TNFAIP8: variants seen among roughly 807,000 people sequenced by gnomAD.
TNFAIP8 encodes the protein TNF alpha induced protein 8, also known as tumor necrosis factor alpha-induced protein 8.
TNFAIP8 carries 7 observed loss-of-function variants against 13.3 expected under a neutral mutation model. That is an observed-to-expected ratio of 0.52 (90% CI 0.30 to 0.99). TNFAIP8 has a LOEUF of 0.99. TNFAIP8 is among the 50% of genes least tolerant of loss of function. TNFAIP8 has a pLI of 0.07. For synonymous variants in TNFAIP8, 94 were observed against 87.6 expected (o/e 1.07, Z -0.41); for missense variants, 258 against 236.9 (o/e 1.09, Z -0.58).
chr5:119,355,710 CCGTCTGGTG>C (rs1276452596), upstream of TNFAIP8: 17 of 267,496 alleles, frequency 6.4e-5, no homozygotes, highest in African/African-American at 3.3e-4. Context: ...TTTTTTCCGC[CCGTCTGGTG>C]CGTTTGCCGA....
intron 1 of TNFAIP8, among the ~76,000 whole-genome samples, chr5:119,286,204 G>A (rs1391701224): frequency 6.6e-6 from 1 of 152,056 alleles, no homozygotes; most frequent in African/African-American, 2.4e-5. Context: ...AACTCTTCAG[G>A]CTCCCAATGT....
At position 119,399,157 on chromosome 5, in the gene TNFAIP8, GA is replaced by G; in HGVS notation, c.*5779del. 6.6e-6 allele frequency: 1 copy of G among 152,296 alleles called. No homozygotes were observed. Among genetic ancestry groups the G allele is most frequent in the Non-Finnish European group, 1.5e-5 (1 of 68,026 alleles). The allele number at this position is 152,296 out of a possible 1,614,324, so 9.4% of individuals were successfully genotyped here. A position where few individuals can be genotyped will look rare whatever the true frequency, so the allele number is the denominator to read the frequency against. On this transcript the variant is annotated 3_prime_UTR_variant, in exon 2 of 2. Coordinates refer to ENST00000504771, the MANE Select transcript of TNFAIP8 (RefSeq NM_014350.4). ...GAGAACATGGTGAAATCCACGAGTGGAAACGTTCCATGGTATTTTCAAACGC... is the reference window on the plus strand; with the variant it reads ...GAGAACATGGTGAAATCCACGAGTGGAACGTTCCATGGTATTTTCAAACGC...
chr5:119,354,051 G>A (rs1201903689), upstream of TNFAIP8, among the ~76,000 whole-genome samples: 1 of 152,204 alleles, frequency 6.6e-6, no homozygotes, highest in Non-Finnish European at 1.5e-5. Context: ...GCAGAATGTT[G>A]ACTTGGGCAG....
At chr5:119,349,605 T>C (rs986297367) in intron 1 of TNFAIP8, among the ~76,000 whole-genome samples, 4 of 152,220 alleles carry the variant, frequency 2.6e-5, no homozygotes, top group Non-Finnish European at 4.4e-5. Context: ...TGGCAGCCCA[T>C]ATCCGATGAG....
chr5:119,282,374 G>T (rs1366694038), intron 1 of TNFAIP8, among the ~76,000 whole-genome samples: 2 of 152,200 alleles, frequency 1.3e-5, no homozygotes, highest in Non-Finnish European at 2.9e-5. Context: ...GTTGGGAACT[G>T]TCCCATCCCT....
At chr5:119,313,293 C>G (rs1749790204) in intron 1 of TNFAIP8, among the ~76,000 whole-genome samples, 1 of 152,160 alleles carries the variant, frequency 6.6e-6, no homozygotes, top group Non-Finnish European at 1.5e-5. Flanking sequence ...TTGAAATCTG[C>G]CACAAGCTCA....
At chr5:119,372,065 A>T (rs1752096134) in intron 1 of TNFAIP8, among the ~76,000 whole-genome samples, 1 of 151,516 alleles carries the variant, frequency 6.6e-6, no homozygotes, top group Admixed American at 6.6e-5. Flanking sequence ...TGAACCCGGG[A>T]GGCGGAGCTT....
intron 1 of TNFAIP8, among the ~76,000 whole-genome samples, chr5:119,364,851 T>G (rs1751778494): frequency 7.5e-6 from 1 of 132,660 alleles, no homozygotes; most frequent in South Asian, 2.6e-4. Flanking sequence ...GTTTTTTTTT[T>G]TTTTTTTTTT....
chr5:119,299,490 G>A (rs980699483), intron 1 of TNFAIP8, among the ~76,000 whole-genome samples: 21 of 152,222 alleles, frequency 1.4e-4, no homozygotes, highest in African/African-American at 4.8e-4. Context: ...AGGAGTACCC[G>A]GCCGTGTGAG....
chr5:119,392,473 C>T (rs967642930), intron 1 of TNFAIP8, among the ~76,000 whole-genome samples: 2 of 152,094 alleles, frequency 1.3e-5, no homozygotes, highest in Non-Finnish European at 2.9e-5. Context: ...TCACTGCAGC[C>T]TCCGCCTCCT....
At chr5:119,343,923 A>C (rs1750815816) in intron 1 of TNFAIP8, among the ~76,000 whole-genome samples, 1 of 152,244 alleles carries the variant, frequency 6.6e-6, no homozygotes, top group African/African-American at 2.4e-5. Flanking sequence ...CCAGTTAATG[A>C]AAACAAGTGT....
chr5:119,308,200 G>A (rs967972831), intron 1 of TNFAIP8, among the ~76,000 whole-genome samples: 5 of 152,054 alleles, frequency 3.3e-5, no homozygotes, highest in African/African-American at 4.8e-5. Flanking sequence ...AACTGATAGC[G>A]TTCTTGCAAA....
At chr5:119,364,141 G>A (rs1448452828) in intron 1 of TNFAIP8, among the ~76,000 whole-genome samples, 1 of 152,118 alleles carries the variant, frequency 6.6e-6, no homozygotes, top group African/African-American at 2.4e-5. Flanking sequence ...CAGAGTGGGG[G>A]AACTGAAAGT....
At chr5:119,370,585 T>C (rs116722022) in intron 1 of TNFAIP8, among the ~76,000 whole-genome samples, 100 of 152,334 alleles carry the variant, frequency 6.6e-4, no homozygotes, top group African/African-American at 2.4e-3. Context: ...AAGAAAATCT[T>C]GCCTCTAAGA....
intron 1 of TNFAIP8, among the ~76,000 whole-genome samples, chr5:119,310,718 T>G (rs1048795011): frequency 1.3e-5 from 2 of 152,108 alleles, no homozygotes; most frequent in African/African-American, 4.8e-5. Flanking sequence ...TCCCAGTTAC[T>G]TGAGAGGCTG....
chr5:119,392,078 G>A (rs985522408), intron 1 of TNFAIP8, among the ~76,000 whole-genome samples: 3 of 152,268 alleles, frequency 2.0e-5, no homozygotes, highest in Admixed American at 2.0e-4. Context: ...AATGTAAAGT[G>A]AACAATGGCC....
intron 1 of TNFAIP8, among the ~76,000 whole-genome samples, chr5:119,338,856 T>A (rs1402544259): frequency 1.3e-5 from 2 of 152,088 alleles, no homozygotes; most frequent in African/African-American, 4.8e-5. Context: ...TTGGGCAACA[T>A]CGTGAGACTG....
chr5:119,269,704 A>G (rs1471536849), intron 1 of TNFAIP8, among the ~76,000 whole-genome samples: 5 of 152,334 alleles, frequency 3.3e-5, no homozygotes, highest in South Asian at 2.1e-4. Context: ...GGAATCATGG[A>G]AGGAATCAAA....
chr5:119,290,197 A>G (rs925888355), intron 1 of TNFAIP8, among the ~76,000 whole-genome samples: 2 of 151,440 alleles, frequency 1.3e-5, no homozygotes, highest in African/African-American at 4.9e-5. Flanking sequence ...GATTACTAAA[A>G]CTTAGTAGCT....
Sources: allele counts gnomAD v4.1 joint callset (sites outside exome capture counted in the v4.1 genomes callset), GRCh38; gene constraint gnomAD v4.1.1; transcripts MANE v1.5; gene names NCBI Gene and HGNC (gene_info 2026-07-23, HGNC 2026-07-21).